Variants in CRACD observed in about 807,000 individuals in gnomAD.
The protein encoded by CRACD is capping protein inhibiting regulator of actin dynamics.
A neutral mutation model predicts 106.8 loss-of-function variants in CRACD; 56 were observed. The ratio of observed to expected loss-of-function variants is 0.52; its 90% CI spans 0.42 to 0.66. CRACD has a LOEUF of 0.66. CRACD is among the 30% of genes least tolerant of loss of function. The pLI is 0.00. For synonymous variants in CRACD, 754 were observed against 670.8 expected, an observed-to-expected ratio of 1.12 and a Z score of -1.92; for missense variants, 1,730 against 1,623.2, an observed-to-expected ratio of 1.07 and a Z score of -1.13.
intron 1 of CRACD, among the ~76,000 whole-genome samples, chr4:56,057,455 T>C (rs1732114150): frequency 6.6e-6 from 1 of 152,204 alleles, no homozygotes; most frequent in Admixed American, 6.5e-5. Context: ...GCTTTGTTTA[T>C]TTATAATGTA....
At chr4:56,076,820 T>C (rs1372984433) in intron 1 of CRACD, among the ~76,000 whole-genome samples, 2 of 152,240 alleles carry the variant, frequency 1.3e-5, no homozygotes, top group Non-Finnish European at 2.9e-5. Context: ...GGACCCTATC[T>C]GTCATCGCTG....
chr4:56,205,596 G>A (rs556293439), intron 2 of CRACD, among the ~76,000 whole-genome samples: 1 of 151,920 alleles, frequency 6.6e-6, no homozygotes, highest in Non-Finnish European at 1.5e-5. Context: ...TGAGAGTTGA[G>A]ACCAGTACTC....
chr4:56,283,852 C>A (rs909594574), intron 3 of CRACD, among the ~76,000 whole-genome samples: 7 of 152,162 alleles, frequency 4.6e-5, no homozygotes, highest in African/African-American at 9.7e-5. Context: ...ATGTAGACAC[C>A]AGGAAAACTA....
chr4:56,069,854 T>C (rs1732578202), intron 1 of CRACD, among the ~76,000 whole-genome samples: 2 of 152,214 alleles, frequency 1.3e-5, no homozygotes, highest in South Asian at 4.1e-4. Context: ...AGAGATGGAC[T>C]CTTTCAAATA....
At chr4:56,322,460 A>G (rs1746163268) in intron 8 of CRACD, among the ~76,000 whole-genome samples, 1 of 152,210 alleles carries the variant, frequency 6.6e-6, no homozygotes, top group Non-Finnish European at 1.5e-5. Context: ...AACCACAAGA[A>G]AAACAGAGAC....
chr4:56,211,314 C>A (rs1222074662), intron 2 of CRACD, among the ~76,000 whole-genome samples: 1 of 152,196 alleles, frequency 6.6e-6, no homozygotes, highest in Non-Finnish European at 1.5e-5. Flanking sequence ...AAGCTGGGAA[C>A]CTCTGGCCAG....
At chr4:56,263,499 T>G (rs1398427835) in intron 2 of CRACD, among the ~76,000 whole-genome samples, 1 of 152,162 alleles carries the variant, frequency 6.6e-6, no homozygotes, top group African/African-American at 2.4e-5. Flanking sequence ...TTCCTTGGTT[T>G]GTAGATGGCC....
At chr4:56,317,900 C>T (rs1350869224) in intron 8 of CRACD, among the ~76,000 whole-genome samples, 2 of 152,006 alleles carry the variant, frequency 1.3e-5, no homozygotes, top group Admixed American at 1.3e-4. Flanking sequence ...GCTTTTGTGC[C>T]CCCAGAGAAC....
intron 3 of CRACD, among the ~76,000 whole-genome samples, chr4:56,294,261 T>C (rs969010293): frequency 6.6e-6 from 1 of 151,542 alleles, no homozygotes; most frequent in African/African-American, 2.4e-5. Context: ...GTTATTATAA[T>C]TGATAAATAA....
chr4:56,185,182 C>T (rs1737033310), intron 2 of CRACD, among the ~76,000 whole-genome samples: 1 of 152,198 alleles, frequency 6.6e-6, no homozygotes, highest in African/African-American at 2.4e-5. Flanking sequence ...TGGTCTCGAT[C>T]TCCTGACCTC....
intron 1 of CRACD, among the ~76,000 whole-genome samples, chr4:56,176,150 A>C (rs1736573712): frequency 6.6e-6 from 1 of 152,158 alleles, no homozygotes; most frequent in Non-Finnish European, 1.5e-5. Context: ...GTCCATTTTT[A>C]AACCAGTACC....
At chr4:56,053,366 A>AT (rs1296900137) in intron 1 of CRACD, among the ~76,000 whole-genome samples, 1 of 152,116 alleles carries the variant, frequency 6.6e-6, no homozygotes, top group Non-Finnish European at 1.5e-5. Context: ...TTGTAGCAGT[A>AT]TTTTAATTTT....
intron 2 of CRACD, among the ~76,000 whole-genome samples, chr4:56,231,404 A>C (rs1354098121): frequency 6.6e-6 from 1 of 152,202 alleles, no homozygotes; most frequent in Non-Finnish European, 1.5e-5. Context: ...TATGTTTCTG[A>C]CTGTTCTCTA....
At chr4:56,321,605 A>G (rs1002701189) in intron 8 of CRACD, among the ~76,000 whole-genome samples, 3 of 152,246 alleles carry the variant, frequency 2.0e-5, no homozygotes, top group African/African-American at 4.8e-5. Context: ...GAAGTGTTAC[A>G]GGGACCTGGA....
chr4:56,308,027 A>G (rs1003879250), intron 5 of CRACD, among the ~76,000 whole-genome samples: 8 of 151,856 alleles, frequency 5.3e-5, no homozygotes, highest in East Asian at 1.9e-4. Context: ...TGTCTTTACC[A>G]TTTTTCACAC....
chr4:56,049,669 A>T lies in CRACD; in HGVS notation c.-336+370A>T, dbSNP rs551617604. Among the ~76,000 whole-genome samples, 3 of 152,256 alleles carry T rather than the reference A, an allele frequency of 2.0e-5. No individual in the cohort carries two copies. The South Asian group carries it at 6.2e-4, about 32-fold the overall frequency. ...CTCGGTCCCGACCGCGGCAAGGGCC[A>T]GAACCAGACCTCACCGTCCGGGATC... On this transcript the variant is annotated intron_variant, in intron 1 of 10. Coordinates refer to ENST00000682029, the MANE Select transcript of CRACD (RefSeq NM_001393381.1).
At chr4:56,294,704 A>G (rs1743888756) in intron 3 of CRACD, among the ~76,000 whole-genome samples, 1 of 152,296 alleles carries the variant, frequency 6.6e-6, no homozygotes, top group Non-Finnish European at 1.5e-5. Context: ...ACTTGAGGCC[A>G]GGAGTTCTAT....
Position 56,104,742 on chromosome 4 carries a change from C to T in CRACD, c.-336+55443C>T, listed in dbSNP as rs564968398. Among the ~76,000 whole-genome samples, 69 of 151,736 alleles carry T rather than the reference C, an allele frequency of 4.5e-4. No individual in the cohort carries two copies. In the East Asian group the frequency reaches 0.012, roughly 25 times the overall value. On this transcript the variant is annotated intron_variant, in intron 1 of 10. Coordinates refer to ENST00000682029, the MANE Select transcript of CRACD (RefSeq NM_001393381.1). ...CAGCACTTTGGGAGGCTGAGGCGGG[C>T]GGATCATGAGGTCAGGAGATCGAGA...
At chr4:56,267,176 A>C (rs906717594) in intron 2 of CRACD, among the ~76,000 whole-genome samples, 31 of 150,968 alleles carry the variant, frequency 2.1e-4, no homozygotes, top group African/African-American at 6.8e-4. Flanking sequence ...GCTGGATTGC[A>C]GTGGTGCGAT....
Sources: gnomAD v4.1 joint callset for allele counts (sites outside exome capture counted in the v4.1 genomes callset) on GRCh38, gnomAD v4.1.1 for gene constraint, MANE v1.5 for transcripts, NCBI Gene and HGNC (gene_info 2026-07-23, HGNC 2026-07-21) for gene names.